TBC1D5: variants seen among roughly 807,000 people sequenced by gnomAD.
TBC1D5 encodes the protein TBC1 domain family, member 5.
In TBC1D5, 75 loss-of-function variants were observed where a neutral mutation model predicts 100.3. That is an observed-to-expected ratio of 0.75 (90% CI 0.62 to 0.91). The LOEUF (loss-of-function observed/expected upper bound fraction) is 0.91, where lower values mean the gene tolerates loss of function less well. Among genes scored for constraint, TBC1D5 ranks in the 40% least tolerant of loss-of-function variants. TBC1D5 has a pLI of 0.00. For missense variants in TBC1D5, 910 were observed against 942.4 expected (o/e 0.97, Z 0.45); for synonymous variants, 323 against 325.6 (o/e 0.99, Z 0.09).
intron 2 of TBC1D5, among the ~76,000 whole-genome samples, chr3:17,526,076 A>C (rs539887863): frequency 6.6e-6 from 1 of 152,160 alleles, no homozygotes; most frequent in African/African-American, 2.4e-5. Context: ...ACAAAACAGG[A>C]GGTTTCTTTC....
chr3:17,475,455 T>C (rs888429280), intron 3 of TBC1D5, among the ~76,000 whole-genome samples: 1 of 152,080 alleles, frequency 6.6e-6, no homozygotes, highest in African/African-American at 2.4e-5. Flanking sequence ...TCCAACACTT[T>C]AGTAAATGTT....
At chr3:17,729,000 T>G (rs369704182) in intron 1 of TBC1D5, among the ~76,000 whole-genome samples, 9 of 99,118 alleles carry the variant, frequency 9.1e-5, no homozygotes, top group African/African-American at 2.9e-4. Context: ...AATACTCAAG[T>G]GCACCTGAAA....
intron 1 of TBC1D5, among the ~76,000 whole-genome samples, chr3:17,689,503 A>G (rs1370866894): frequency 6.8e-6 from 1 of 146,868 alleles, no homozygotes; most frequent in Non-Finnish European, 1.5e-5. Flanking sequence ...TGGGCGACAG[A>G]GTGAGACCCT....
chr3:17,484,522 T>G (rs2095537636), intron 3 of TBC1D5, among the ~76,000 whole-genome samples: 1 of 145,778 alleles, frequency 6.9e-6, no homozygotes, highest in Non-Finnish European at 1.5e-5. Flanking sequence ...CAAAGCATCC[T>G]GAGGTGACTT....
chr3:17,190,239 T>C (rs1178878644), intron 18 of TBC1D5, among the ~76,000 whole-genome samples: 2 of 152,280 alleles, frequency 1.3e-5, no homozygotes, highest in African/African-American at 4.8e-5. Flanking sequence ...ACATGGCCAC[T>C]GAAAAAGTTT....
chr3:17,323,214 C>T lies in TBC1D5; in HGVS notation c.996-15080G>A, dbSNP rs377292182. Among the ~76,000 whole-genome samples the T allele has an allele frequency of 2.1e-4, 32 of 152,192 alleles. No homozygotes were observed. The East Asian group carries it at 3.1e-3, about 15-fold the overall frequency. On this transcript the variant is annotated intron_variant, in intron 13 of 21. Coordinates refer to ENST00000253692, the Ensembl canonical transcript of TBC1D5. ...ACAACTGAAAAGGAAGGAAATAACG[C>T]CAGTTTATCACAAACTCTTTTTGAA...
chr3:17,162,350 G>A (rs943397504), intron 21 of TBC1D5, among the ~76,000 whole-genome samples: 1 of 152,250 alleles, frequency 6.6e-6, no homozygotes, highest in Non-Finnish European at 1.5e-5. Context: ...GAAGGGGAAT[G>A]AGTAACAGCT....
exon 17 of TBC1D5, chr3:17,238,312 C>T (rs1185801620): frequency 6.2e-7 from 1 of 1,613,964 alleles, no homozygotes; most frequent in African/African-American, 1.3e-5. Context: ...AGGTACAGGG[C>T]CACCTGCACT....
At chr3:17,188,913 A>G (rs2069507407) in intron 18 of TBC1D5, among the ~76,000 whole-genome samples, 1 of 152,260 alleles carries the variant, frequency 6.6e-6, no homozygotes, top group Non-Finnish European at 1.5e-5. Context: ...TGTAACTAAG[A>G]CACTGAAGAT....
At chr3:17,521,505 G>A (rs2096063477) in intron 2 of TBC1D5, among the ~76,000 whole-genome samples, 1 of 152,060 alleles carries the variant, frequency 6.6e-6, no homozygotes, top group Admixed American at 6.5e-5. Context: ...TAAGGCTTCT[G>A]GTCAACAGTA....
chr3:17,431,958 C>A (rs369150162), intron 3 of TBC1D5, among the ~76,000 whole-genome samples: 50 of 152,130 alleles, frequency 3.3e-4, no homozygotes, highest in East Asian at 2.9e-3. Flanking sequence ...TATACACAAA[C>A]ATCTAGTTCA....
chr3:17,302,370 G>C (rs1007458855), intron 14 of TBC1D5, among the ~76,000 whole-genome samples: 1 of 151,970 alleles, frequency 6.6e-6, no homozygotes, highest in Non-Finnish European at 1.5e-5. Flanking sequence ...AGTCATATTG[G>C]ATTAGTATGA....
intron 15 of TBC1D5, among the ~76,000 whole-genome samples, chr3:17,284,089 TACACACAC>T (rs58307801): frequency 8.3e-5 from 11 of 132,718 alleles, no homozygotes; most frequent in South Asian, 7.6e-4. Flanking sequence ...CTCATTATTT[TACACACAC>T]ACACACACAC....
chr3:17,326,935 C>A (rs1049644945), intron 13 of TBC1D5, among the ~76,000 whole-genome samples: 5 of 152,164 alleles, frequency 3.3e-5, no homozygotes, highest in Non-Finnish European at 5.9e-5. Flanking sequence ...CTCTCATACC[C>A]TACGTTTAAT....
At chr3:17,621,971 T>C (rs904143771) in intron 2 of TBC1D5, among the ~76,000 whole-genome samples, 2 of 152,256 alleles carry the variant, frequency 1.3e-5, no homozygotes, top group African/African-American at 4.8e-5. Flanking sequence ...CAGTCAGTTT[T>C]CTTCCTTTCA....
rs149674983 is a variant in TBC1D5 at position 17,733,495 on chromosome 3, G to A, written c.-101+5848C>T. On this transcript the variant is annotated intron_variant, in intron 1 of 21. Transcript: ENST00000253692. ...TAAAAGTGCAGAGTAATCACTTGGG[G>A]GGGGTGGAGCTAGACAGCAATAATT... 9.4e-4 allele frequency among the ~76,000 whole-genome samples: 143 copies of A among 152,288 alleles called. 1 individual carries two copies. Among genetic ancestry groups the A allele is most frequent in the African/African-American group, 3.2e-3 (135 of 41,556 alleles).
At chr3:17,575,857 C>T (rs549113690) in intron 2 of TBC1D5, among the ~76,000 whole-genome samples, 83 of 152,148 alleles carry the variant, frequency 5.5e-4, no homozygotes, top group African/African-American at 1.9e-3. Flanking sequence ...TGGTGAATAT[C>T]AACATCACTG....
intron 18 of TBC1D5, among the ~76,000 whole-genome samples, chr3:17,202,290 A>G (rs1407088245): frequency 6.6e-6 from 1 of 152,226 alleles, no homozygotes; most frequent in Non-Finnish European, 1.5e-5. Flanking sequence ...AATTTCTAAG[A>G]AGCAAAGTGT....
At chr3:17,428,245 AT>A (rs1388959517) in intron 4 of TBC1D5, among the ~76,000 whole-genome samples, 2 of 151,630 alleles carry the variant, frequency 1.3e-5, no homozygotes, top group Non-Finnish European at 3.0e-5. Flanking sequence ...AGAATATTAT[AT>A]TTTTCTGTAT....
Sources: gnomAD v4.1 joint callset for allele counts (sites outside exome capture counted in the v4.1 genomes callset) on GRCh38, gnomAD v4.1.1 for gene constraint, MANE v1.5 for transcripts, NCBI Gene and HGNC (gene_info 2026-07-23, HGNC 2026-07-21) for gene names.